The following GLDC variants were observed in gnomAD, a reference collection of about 807,000 sequenced individuals.
GLDC encodes glycine decarboxylase.
In GLDC, 104 loss-of-function variants were observed where a neutral mutation model predicts 121.3. The ratio of observed to expected loss-of-function variants is 0.86; its 90% CI spans 0.73 to 1.01. The LOEUF (loss-of-function observed/expected upper bound fraction) is 1.01, where lower values mean the gene tolerates loss of function less well. Ranked by LOEUF, GLDC falls within the 50% of genes least tolerant of loss-of-function variation. The probability of loss-of-function intolerance (pLI) is 0.00; values close to 1 mark genes in which losing one functional copy is unlikely to be tolerated. For synonymous variants in GLDC, 546 were observed against 480.6 expected (o/e 1.14, Z -1.78); for missense variants, 1,429 against 1,306.6 (o/e 1.09, Z -1.44).
intron 2 of GLDC, among the ~76,000 whole-genome samples, chr9:6,631,830 G>A (rs1017214652): frequency 4.6e-5 from 7 of 152,222 alleles, no homozygotes; most frequent in Admixed American, 6.5e-5. Context: ...AATTTGGGAG[G>A]CTAAGGGAGG....
intron 16 of GLDC, among the ~76,000 whole-genome samples, chr9:6,564,841 G>T (rs1240188910): frequency 3.3e-5 from 5 of 152,210 alleles, no homozygotes; most frequent in Non-Finnish European, 7.3e-5. Flanking sequence ...ATTGAAGCAG[G>T]ACCGTGAACT....
intron 11 of GLDC, 75 bp from the exon 12 acceptor site, chr9:6,589,367 G>A (rs919589445): frequency 1.2e-6 from 1 of 847,580 alleles, no homozygotes; most frequent in Non-Finnish European, 2.1e-6. Context: ...GCTTCTGGGT[G>A]GCTGGGCCAC....
intron 2 of GLDC, chr9:6,639,534 G>A: frequency 1.3e-6 from 1 of 793,820 alleles, no homozygotes; most frequent in South Asian, 1.3e-5. Flanking sequence ...TCGGCCTGAT[G>A]GAGAGAAGAA....
intron 15 of GLDC, among the ~76,000 whole-genome samples, chr9:6,572,385 T>A (rs1817984838): frequency 6.6e-6 from 1 of 152,164 alleles, no homozygotes; most frequent in Admixed American, 6.5e-5. Flanking sequence ...ATGTTGAAAA[T>A]CAACTGGGTT....
intron 22 of GLDC, among the ~76,000 whole-genome samples, chr9:6,537,822 T>G (rs1030633787): frequency 6.6e-6 from 1 of 152,054 alleles, no homozygotes; most frequent in South Asian, 2.1e-4. Context: ...TTGAAAGGAC[T>G]GTAGGTGAGC....
chr9:6,613,300 A>G (rs1818898547), intron 3 of GLDC, among the ~76,000 whole-genome samples: 1 of 152,276 alleles, frequency 6.6e-6, no homozygotes, highest in East Asian at 1.9e-4. Flanking sequence ...CATTTTTTCC[A>G]ATCTCTTTTC....
At position 6,604,669 on chromosome 9, in the gene GLDC, T is replaced by C; in HGVS notation, c.977A>G (p.Tyr326Cys). Residue 326 changes from tyrosine to cysteine, a missense_variant, in exon 7 of 25, where the codon TAT becomes TGT. Transcript: ENST00000321612. ...SSQRFGVPLG[Y>C]GGPHAAFFAV... is the part of the protein sequence containing the mutation. Reference sequence around the variant, plus strand: ...AAAAAATGCTGCATGGGGTCCCCCATAGCCCAGTGGCACTCCAAATCTCTG... The same window carrying C: ...AAAAAATGCTGCATGGGGTCCCCCACAGCCCAGTGGCACTCCAAATCTCTG... 1 of 1,614,130 alleles carries C rather than the reference T, an allele frequency of 6.2e-7. No homozygotes were observed. The highest frequency in any genetic ancestry group is 8.5e-7 in the Non-Finnish European group (1 of 1,179,990).
intron 9 of GLDC, among the ~76,000 whole-genome samples, chr9:6,593,994 A>G (rs1208120238): frequency 6.6e-6 from 1 of 151,538 alleles, no homozygotes; most frequent in Non-Finnish European, 1.5e-5. Context: ...TGCCTGGCCT[A>G]TTTCTATTTT....
At chr9:6,617,621 C>G (rs1818991194) in intron 3 of GLDC, among the ~76,000 whole-genome samples, 1 of 152,186 alleles carries the variant, frequency 6.6e-6, no homozygotes, top group Admixed American at 6.5e-5. Flanking sequence ...TTTGATTTTC[C>G]TGTCCCCTTA....
At chr9:6,596,894 C>T (rs928853374) in intron 8 of GLDC, among the ~76,000 whole-genome samples, 1 of 152,110 alleles carries the variant, frequency 6.6e-6, no homozygotes, top group Non-Finnish European at 1.5e-5. Flanking sequence ...AGGAATATAA[C>T]CAAAAGAACT....
At chr9:6,587,494 A>G (rs1182397373) in intron 14 of GLDC, among the ~76,000 whole-genome samples, 1 of 152,190 alleles carries the variant, frequency 6.6e-6, no homozygotes, top group Non-Finnish European at 1.5e-5. Context: ...GTTGTCCAAA[A>G]AGGGAACTTA....
At chr9:6,616,821 A>G (rs1818975228) in intron 3 of GLDC, among the ~76,000 whole-genome samples, 1 of 152,192 alleles carries the variant, frequency 6.6e-6, no homozygotes, top group Admixed American at 6.5e-5. Flanking sequence ...AGTGTTCTCT[A>G]TCATTTTGGC....
At chr9:6,570,926 C>G (rs1817952525) in intron 15 of GLDC, among the ~76,000 whole-genome samples, 4 of 150,140 alleles carry the variant, frequency 2.7e-5, no homozygotes, top group Admixed American at 2.7e-4. Context: ...TAAAATGATA[C>G]CTTTTCATGA....
At chr9:6,561,338 G>C (rs775851589) in intron 16 of GLDC, among the ~76,000 whole-genome samples, 2 of 152,124 alleles carry the variant, frequency 1.3e-5, no homozygotes, top group Non-Finnish European at 2.9e-5. Context: ...ATAATGTTAA[G>C]TTTTTCCTCA....
chr9:6,572,916 A>G (rs73398376), intron 15 of GLDC, among the ~76,000 whole-genome samples: 2,135 of 152,286 alleles, frequency 0.014, 53 homozygotes, highest in African/African-American at 0.048. Flanking sequence ...AAAGTCACTC[A>G]TTCCCAGGCA....
At chr9:6,620,504 A>T (rs1034210257) in intron 2 of GLDC, among the ~76,000 whole-genome samples, 185 bp from the exon 3 acceptor site, 1 of 151,688 alleles carries the variant, frequency 6.6e-6, no homozygotes, top group African/African-American at 2.4e-5. Context: ...AAAGTCCCCA[A>T]ACAACACTCA....
intron 8 of GLDC, among the ~76,000 whole-genome samples, chr9:6,599,822 A>C (rs187216091): frequency 8.5e-5 from 13 of 152,234 alleles, no homozygotes; most frequent in African/African-American, 3.1e-4. Flanking sequence ...TTCCTATCAT[A>C]CTGGAAGAGC....
At chr9:6,561,452 C>G (rs1035306361) in intron 16 of GLDC, among the ~76,000 whole-genome samples, 5 of 152,080 alleles carry the variant, frequency 3.3e-5, no homozygotes, top group Non-Finnish European at 7.4e-5. Flanking sequence ...AGTTCAAGAC[C>G]AGCCTGGCCA....
chr9:6,534,698 G>C lies in GLDC; in HGVS notation c.2919+10C>G. The stretch of plus-strand genomic sequence containing the variant: ...TTCCCAGCTGGCACATTCAGATTCA[G>C]AGAACTTACGAGTGGGAATGCTGCC... On this transcript the variant is annotated intron_variant, in intron 24 of 24. Coordinates refer to ENST00000321612, the MANE Select transcript of GLDC (RefSeq NM_000170.3). 1.3e-6 allele frequency: 2 copies of C among 1,496,122 alleles called. No homozygotes were observed. Among genetic ancestry groups the C allele is most frequent in the Non-Finnish European group, 1.9e-6 (2 of 1,072,852 alleles). The allele number at this position is 1,496,122 out of a possible 1,614,324, so 92.7% of individuals were successfully genotyped here.
Sources: allele counts gnomAD v4.1 joint callset (sites outside exome capture counted in the v4.1 genomes callset), GRCh38; gene constraint gnomAD v4.1.1; transcripts MANE v1.5; gene names NCBI Gene and HGNC (gene_info 2026-07-23, HGNC 2026-07-21).